IDI1: variants seen among roughly 807,000 people sequenced by gnomAD.
IDI1 encodes the protein isopentenyl-diphosphate Delta-isomerase 1.
In IDI1, 23 loss-of-function variants were observed where a neutral mutation model predicts 32.9. The ratio of observed to expected loss-of-function variants is 0.70; its 90% CI spans 0.50 to 0.99. IDI1 has a LOEUF of 0.99. IDI1 is among the 50% of genes least tolerant of loss of function. The probability of loss-of-function intolerance (pLI) is 0.00; values close to 1 mark genes in which losing one functional copy is unlikely to be tolerated. For missense variants in IDI1, 326 were observed against 351.9 expected, an observed-to-expected ratio of 0.93 and a Z score of 0.59; for synonymous variants, 133 against 128.2, an observed-to-expected ratio of 1.04 and a Z score of -0.25.
chr10:1,048,524 ACT>A, intron 1 of IDI1: 1 of 1,269,152 alleles, frequency 7.9e-7, no homozygotes. Flanking sequence ...GAGACTCGCA[ACT>A]CTTAGTCTCC....
In IDI1 at chr10:1,048,590, G is replaced by A. The variant is rs1041700817; in HGVS notation, c.140+274C>T. 8.7e-6 allele frequency: 12 copies of A among 1,373,962 alleles called. 1 individual carries two copies. In the Middle Eastern group the frequency reaches 8.3e-4, roughly 95 times the overall value. The allele number at this position is 1,373,962 out of a possible 1,614,324, so 85.1% of individuals were successfully genotyped here. A position where few individuals can be genotyped will look rare whatever the true frequency, so the allele number is the denominator to read the frequency against. On this transcript the variant is annotated intron_variant, in intron 1 of 4. Coordinates refer to ENST00000381344, the MANE Select transcript of IDI1 (RefSeq NM_004508.4). Reference sequence around the variant, plus strand: ...CCTAAACCTCAGGTGACTGTGCGCAGACGACGATCTTTTCCGCTGACAAAG... The same window carrying A: ...CCTAAACCTCAGGTGACTGTGCGCAAACGACGATCTTTTCCGCTGACAAAG...
chr10:1,051,235 T>C (rs79915595), upstream of IDI1, among the ~76,000 whole-genome samples: 189 of 152,350 alleles, frequency 1.2e-3, 7 homozygotes, highest in East Asian at 0.031. Context: ...ACTAGTAATC[T>C]CATCAGAAAA....
At chr10:1,051,979 TCTC>T (rs1412284923), upstream of IDI1, among the ~76,000 whole-genome samples, 5 of 152,282 alleles carry the variant, frequency 3.3e-5, no homozygotes, top group African/African-American at 1.2e-4. Context: ...TTCAAGCAAT[TCTC>T]CTACCTCAGC....
rs747456264 is a variant in IDI1 at position 1,048,873 on chromosome 10, C to A, written c.131G>T (p.Arg44Met). The change falls in exon 1 of 5, where the codon AGG (arginine) becomes ATG (methionine). Residue 44 changes from arginine to methionine, a missense_variant. Transcript: ENST00000381344. ...CGCCCGTCCACAGTACCTGATCAGCCTCCGGCCACAGACAACCGCCGGTCC... is the reference window on the plus strand; with the variant it reads ...CGCCCGTCCACAGTACCTGATCAGCATCCGGCCACAGACAACCGCCGGTCC... ...HPGPAVVCGR[R>M]LISVLEQIRH... 1.9e-6 allele frequency: 3 copies of A among 1,606,334 alleles called. No individual in the cohort carries two copies. Among genetic ancestry groups the A allele is most frequent in the South Asian group, 1.1e-5 (1 of 90,778 alleles).
chr10:1,056,380 G>A, the IDI1 span: 1 of 152,266 alleles, frequency 6.6e-6, no homozygotes, highest in East Asian at 1.9e-4. Context: ...GGACGCTGGT[G>A]AGTCACTGCG....
At chr10:1,041,694 C>T (rs1340675575) in intron 4 of IDI1, among the ~76,000 whole-genome samples, 190 bp from the exon 5 acceptor site, 2 of 148,062 alleles carry the variant, frequency 1.4e-5, no homozygotes, top group Non-Finnish European at 3.0e-5. Context: ...AAAATGATTA[C>T]ATCATTAGTT....
Position 1,041,010 on chromosome 10 carries a change from A to T in IDI1, c.*177T>A. On this transcript the variant is annotated 3_prime_UTR_variant, in exon 5 of 5. Coordinates refer to ENST00000381344, the MANE Select transcript of IDI1 (RefSeq NM_004508.4). ...TCCAGGGTGTGTGATACAAAATTATAAGTTAGTTTTTTCCACACAAGTTTT... is the reference window on the plus strand; with the variant it reads ...TCCAGGGTGTGTGATACAAAATTATTAGTTAGTTTTTTCCACACAAGTTTT... 2.0e-6 allele frequency: 1 copy of T among 505,644 alleles called. No individual in the cohort carries two copies. Among genetic ancestry groups the T allele is most frequent in the East Asian group, 3.0e-5 (1 of 33,440 alleles). The allele number at this position is 505,644 out of a possible 1,614,324, so 31.3% of individuals were successfully genotyped here.
chr10:1,048,993 C>A lies in IDI1; in HGVS notation c.11G>T (p.Gly4Val), dbSNP rs376617017. The A allele has an allele frequency of 1.3e-6, 2 of 1,511,636 alleles. No individual in the cohort carries two copies. The highest frequency in any genetic ancestry group is 1.8e-6 in the Non-Finnish European group (2 of 1,137,368). 93.6% of individuals were successfully genotyped at this position (1,511,636 alleles called of 1,614,324 possible). Residue 4 changes from glycine to valine, a missense_variant, in exon 1 of 5, where the codon GGA becomes GTA. Around this residue, in one of 2 missense-constraint regions of IDI1, gnomAD observed 121 missense variants for 78.4 expected, o/e 1.54. Coordinates refer to ENST00000381344, the MANE Select transcript of IDI1 (RefSeq NM_004508.4). The stretch of plus-strand genomic sequence containing the variant: ...GCCAATCGCTCGCGCCAGCGCCAGT[C>A]CACGCCACATCGCCCGGCCAATTGG... MWR[G>V]LALARAIGCA...
intron 4 of IDI1, among the ~76,000 whole-genome samples, chr10:1,042,195 A>T (rs1832619888): frequency 6.6e-6 from 1 of 152,140 alleles, no homozygotes; most frequent in Admixed American, 6.5e-5. Context: ...TTTAAGGGGG[A>T]CAATTCCAAG....
intron 3 of IDI1, 92 bp from the exon 4 acceptor site, chr10:1,042,854 A>T (rs1452620450): frequency 8.8e-7 from 1 of 1,140,910 alleles, no homozygotes; most frequent in East Asian, 2.4e-5. Flanking sequence ...GAAAAATGAA[A>T]TGATTTTTAA....
At chr10:1,048,782 G>T (rs965493033) in intron 1 of IDI1, 82 bp downstream of exon 1, 1 of 1,541,490 alleles carries the variant, frequency 6.5e-7, no homozygotes, top group South Asian at 1.2e-5. Flanking sequence ...CTCAGACCTC[G>T]GGCCTCCTCC....
upstream of IDI1, among the ~76,000 whole-genome samples, chr10:1,053,073 C>T (rs1833055407): frequency 1.3e-5 from 2 of 152,040 alleles, no homozygotes; most frequent in African/African-American, 4.8e-5. Flanking sequence ...GTGATCTTGG[C>T]TTACAGCAAC....
At chr10:1,051,912 G>A (rs530454285), upstream of IDI1, among the ~76,000 whole-genome samples, 72 of 151,990 alleles carry the variant, frequency 4.7e-4, no homozygotes, top group Admixed American at 6.6e-4. Context: ...TCGTTCTTTC[G>A]CCCAGGCTGA....
chr10:1,049,971 T>G (rs1832954595), upstream of IDI1, among the ~76,000 whole-genome samples: 1 of 152,190 alleles, frequency 6.6e-6, no homozygotes, highest in South Asian at 2.1e-4. Context: ...TTTTAAATAA[T>G]CGTGAAATGT....
rs1832524731 is a variant in IDI1, at chr10:1,040,382, C to T, written c.*805G>A. 6.6e-6 allele frequency: 1 copy of T among 152,264 alleles called. No individual in the cohort carries two copies. The highest frequency in any genetic ancestry group is 6.5e-5 in the Admixed American group (1 of 15,282). The allele number at this position is 152,264 out of a possible 1,614,324, so 9.4% of individuals were successfully genotyped here. On this transcript the variant is annotated 3_prime_UTR_variant, in exon 5 of 5. Coordinates refer to ENST00000381344, the MANE Select transcript of IDI1 (RefSeq NM_004508.4). Reference sequence around the variant, plus strand: ...ACCATCCTGCAATGCACAGCACAGACCCCACCACAGGGGTTTTATCCAGCC... The same window carrying T: ...ACCATCCTGCAATGCACAGCACAGATCCCACCACAGGGGTTTTATCCAGCC...
Position 1,044,111 on chromosome 10 carries a change from G to A in IDI1, c.201C>T (p.Asp67=), listed in dbSNP as rs1832722812. 1.2e-6 allele frequency: 2 copies of A among 1,613,642 alleles called. No individual in the cohort carries two copies. Among genetic ancestry groups the A allele is most frequent in the Non-Finnish European group, 1.7e-6 (2 of 1,179,576 alleles). ...CTGCCAGGAGTTGAACCTGTTGCTT[G>A]TCGAGGTGGTTAGTGTTTATTTCAG... ...MMPEINTNHL[D]KQQVQLLAEM... The change falls in exon 2 of 5, where the codon GAC becomes GAT. Residue 67 remains aspartate (D), a synonymous_variant. Coordinates refer to ENST00000381344, the MANE Select transcript of IDI1 (RefSeq NM_004508.4).
Position 1,049,111 on chromosome 10 carries a change from G to A in IDI1, c.-108C>T. On this transcript the variant is annotated 5_prime_UTR_variant, in exon 1 of 5. Coordinates refer to ENST00000381344, the MANE Select transcript of IDI1 (RefSeq NM_004508.4). ...GACAACGGCAGACGCGCGAAGCACC[G>A]GGAACCTGAGCCGTGACCGCGGGCT... 1.4e-6 allele frequency: 2 copies of A among 1,402,908 alleles called. No homozygotes were observed. The highest frequency in any genetic ancestry group is 1.5e-5 in the South Asian group (1 of 65,188). The allele number at this position is 1,402,908 out of a possible 1,614,324, so 86.9% of individuals were successfully genotyped here. A position where few individuals can be genotyped will look rare whatever the true frequency, so the allele number is the denominator to read the frequency against.
At chr10:1,041,767 G>A (rs1460317771) in intron 4 of IDI1, among the ~76,000 whole-genome samples, 5 of 151,030 alleles carry the variant, frequency 3.3e-5, no homozygotes, top group African/African-American at 1.2e-4. Flanking sequence ...TAAAAAAAGG[G>A]GCAGTCACTC....
intron 1 of IDI1, among the ~76,000 whole-genome samples, chr10:1,045,655 C>T (rs1007376646): frequency 2.0e-5 from 3 of 152,158 alleles, no homozygotes; most frequent in Non-Finnish European, 4.4e-5. Flanking sequence ...TTAGTAGAGA[C>T]GAAGTCTTGC....
Sources: allele counts gnomAD v4.1 joint callset (sites outside exome capture counted in the v4.1 genomes callset), GRCh38; gene constraint gnomAD v4.1.1; regional missense constraint gnomAD v4.1.1; transcripts MANE v1.5; gene names NCBI Gene and HGNC (gene_info 2026-07-23, HGNC 2026-07-21).